The following SLC25A12 variants were observed in gnomAD, a reference collection of about 807,000 sequenced individuals.
SLC25A12 encodes electrogenic aspartate/glutamate antiporter SLC25A12, mitochondrial.
A neutral mutation model predicts 83.3 loss-of-function variants in SLC25A12; 32 were observed. The observed-to-expected ratio is 0.38, with a 90% CI of 0.29 to 0.52. The LOEUF (loss-of-function observed/expected upper bound fraction) is 0.52, where lower values mean the gene tolerates loss of function less well. Among genes scored for constraint, SLC25A12 ranks in the 20% least tolerant of loss-of-function variants. The pLI is 0.84. For synonymous variants in SLC25A12, 267 were observed against 291.1 expected (o/e 0.92, Z 0.84); for missense variants, 611 against 835.6 (o/e 0.73, Z 3.31).
rs1363941504 is a variant in SLC25A12 at position 171,882,502 on chromosome 2, A to G, written c.66+10703T>C. On this transcript the variant is annotated intron_variant, in intron 2 of 17. Transcript: ENST00000422440. ...CTCCACATGGCAAAGCCTGTTTGAG[A>G]ATGAAGCTAGCACAACAGAAACCAA... is the stretch of plus-strand genomic sequence containing the variant. Among the ~76,000 whole-genome samples, 3 of 152,208 alleles carry G rather than the reference A, an allele frequency of 2.0e-5. No individual in the cohort carries two copies. The East Asian group carries it at 5.8e-4, about 29-fold the overall frequency.
At chr2:171,833,839 C>A in intron 8 of SLC25A12, 124 bp downstream of exon 8, 2 of 599,454 alleles carry the variant, frequency 3.3e-6, no homozygotes, top group Non-Finnish European at 6.1e-6. Flanking sequence ...AATTTATATT[C>A]TGAATATAAA....
chr2:171,824,356 T>C (rs1419308847), intron 9 of SLC25A12, among the ~76,000 whole-genome samples: 2 of 152,200 alleles, frequency 1.3e-5, no homozygotes, highest in African/African-American at 4.8e-5. Flanking sequence ...GCTTCAGATA[T>C]GGCCTCTAGG....
chr2:171,810,130 T>C (rs571457507), intron 12 of SLC25A12, 94 bp downstream of exon 12: 20 of 1,039,780 alleles, frequency 1.9e-5, no homozygotes, highest in Non-Finnish European at 2.6e-5. Context: ...GCTGAGATTA[T>C]AGGCATGAGC....
At chr2:171,847,410 G>A (rs1684821630) in intron 4 of SLC25A12, among the ~76,000 whole-genome samples, 1 of 152,114 alleles carries the variant, frequency 6.6e-6, no homozygotes, top group Non-Finnish European at 1.5e-5. Flanking sequence ...GCTTGTATGA[G>A]GTAATAACTC....
intron 4 of SLC25A12, among the ~76,000 whole-genome samples, chr2:171,847,884 G>A (rs1255957175): frequency 6.6e-6 from 1 of 151,342 alleles, no homozygotes; most frequent in Non-Finnish European, 1.5e-5. Context: ...CAAAGGAGAG[G>A]AGCACAATGA....
chr2:171,882,061 A>G (rs1574005675), intron 2 of SLC25A12, among the ~76,000 whole-genome samples: 1 of 152,336 alleles, frequency 6.6e-6, no homozygotes, highest in South Asian at 2.1e-4. Context: ...GCTACCAAAT[A>G]CAGCAGTGTT....
At position 171,893,197 on chromosome 2, in the gene SLC25A12, C is replaced by T. The variant is rs757472464; in HGVS notation, c.66+8G>A. The stretch of plus-strand genomic sequence containing the variant: ...GCAATGAAAGGCACACTATGCAAGC[C>T]AATTTACCTGTAGAAATATGTTTCT... On this transcript the variant is annotated splice_region_variant and intron_variant, in intron 2 of 17. Transcript: ENST00000422440. 5.0e-6 allele frequency: 8 copies of T among 1,613,310 alleles called. No individual in the cohort carries two copies. The Admixed American group carries it at 6.7e-5, about 13-fold the overall frequency.
chr2:171,819,424 T>C (rs1407273482), intron 9 of SLC25A12, among the ~76,000 whole-genome samples: 1 of 110,318 alleles, frequency 9.1e-6, no homozygotes, highest in African/African-American at 3.3e-5. Flanking sequence ...AATTATGTTA[T>C]ATACATAATA....
chr2:171,856,139 G>T (rs1685040514), intron 3 of SLC25A12, among the ~76,000 whole-genome samples, 190 bp from the exon 4 acceptor site: 1 of 152,140 alleles, frequency 6.6e-6, no homozygotes, highest in South Asian at 2.1e-4. Context: ...TAAGCCCCTA[G>T]AAAATCAATG....
At chr2:171,844,564 A>C in intron 4 of SLC25A12, 56 bp from the exon 5 acceptor site, 1 of 1,217,996 alleles carries the variant, frequency 8.2e-7, no homozygotes, top group South Asian at 1.2e-5. Context: ...AGTTTAAACC[A>C]CTGCAATGTT....
rs781312657 is a variant in SLC25A12 at position 171,878,123 on chromosome 2, G to A, written c.67-9300C>T. ...CTGTGTACCAGGCACTATGCCTGGT[G>A]CCTGGTACTGGGGATGCAGAGATCA... On this transcript the variant is annotated intron_variant, in intron 2 of 17. Coordinates refer to ENST00000422440, the MANE Select transcript of SLC25A12 (RefSeq NM_003705.5). 4.6e-4 allele frequency among the ~76,000 whole-genome samples: 70 copies of A among 152,214 alleles called. 1 individual carries two copies. Among genetic ancestry groups the A allele is most frequent in the Middle Eastern group, 6.8e-3 (2 of 294 alleles).
intron 11 of SLC25A12, among the ~76,000 whole-genome samples, chr2:171,812,881 ATATT>A (rs904006012): frequency 3.3e-5 from 5 of 151,212 alleles, no homozygotes; most frequent in Admixed American, 2.0e-4. Context: ...AAAACATTTG[ATATT>A]TATTTCAGTT....
intron 9 of SLC25A12, 82 bp downstream of exon 9, chr2:171,826,716 G>T: frequency 1.2e-6 from 1 of 816,874 alleles, no homozygotes. Flanking sequence ...AATTTTTACA[G>T]CATTCAGAAG....
intron 2 of SLC25A12, among the ~76,000 whole-genome samples, chr2:171,872,348 A>G (rs1685473970): frequency 6.6e-6 from 1 of 152,266 alleles, no homozygotes; most frequent in Non-Finnish European, 1.5e-5. Flanking sequence ...CACTAATAGT[A>G]AGTAGATTCC....
chr2:171,822,121 G>A (rs1229448686), intron 9 of SLC25A12, among the ~76,000 whole-genome samples: 1 of 152,028 alleles, frequency 6.6e-6, no homozygotes, highest in African/African-American at 2.4e-5. Context: ...AAAATACAAA[G>A]ATATATTAAT....
intron 2 of SLC25A12, among the ~76,000 whole-genome samples, chr2:171,870,456 T>C (rs1685434675): frequency 6.6e-6 from 1 of 151,666 alleles, no homozygotes; most frequent in African/African-American, 2.4e-5. Flanking sequence ...ACCCCATCTC[T>C]ACAAAAATAC....
rs772577546 is a variant in SLC25A12 at position 171,785,282 on chromosome 2, T to G, written c.2029A>C (p.Thr677Pro). ...ACTCAACAGTTGTCTCATCACTGAGTGGCTGCCACTGCTGCCTTTGGCTGA... is the reference window on the plus strand; with the variant it reads ...ACTCAACAGTTGTCTCATCACTGAGGGGCTGCCACTGCTGCCTTTGGCTGA... The part of the protein sequence containing the change: ...VVQPKAAVAA[T>P]Q The change falls in exon 18 of 18, where the codon ACT (threonine) becomes CCT (proline). Residue 677 changes from threonine to proline, a missense_variant. This residue lies in a region of SLC25A12 where 37 missense variants were observed against 35.1 expected (regional missense o/e 1.05). Coordinates refer to ENST00000422440, the MANE Select transcript of SLC25A12 (RefSeq NM_003705.5). The G allele has an allele frequency of 6.2e-7, 1 of 1,614,112 alleles. No homozygotes were observed. Among genetic ancestry groups the G allele is most frequent in the Non-Finnish European group, 8.5e-7 (1 of 1,179,998 alleles).
At position 171,855,912 on chromosome 2, in the gene SLC25A12, C is replaced by G; in HGVS notation, c.247G>C (p.Val83Leu). Residue 83 changes from valine (V) to leucine (L), a missense_variant, in exon 4 of 18, where the codon GTT becomes CTT. Physicochemically the swap from Val to Leu is conservative, Grantham distance 32. Coordinates refer to ENST00000422440, the MANE Select transcript of SLC25A12 (RefSeq NM_003705.5). ...SYQEFLAFES[V>L]LCAPDSMFIV... The stretch of plus-strand genomic sequence containing the variant: ...AACATGGAATCTGGAGCACATAAAA[C>G]AGATTCAAATGCCAAAAACTCTTGA... 6.2e-7 allele frequency: 1 copy of G among 1,613,372 alleles called. No individual in the cohort carries two copies. Among genetic ancestry groups the G allele is most frequent in the East Asian group, 2.2e-5 (1 of 44,846 alleles).
At chr2:171,798,487 A>G (rs968792696) in intron 13 of SLC25A12, among the ~76,000 whole-genome samples, 23 of 152,226 alleles carry the variant, frequency 1.5e-4, no homozygotes, top group Admixed American at 1.3e-3. Context: ...AACTCATTAT[A>G]AAGTCTTCCC....
Sources: allele counts gnomAD v4.1 joint callset (sites outside exome capture counted in the v4.1 genomes callset), GRCh38; gene constraint gnomAD v4.1.1; regional missense constraint gnomAD v4.1.1; transcripts MANE v1.5; gene names NCBI Gene and HGNC (gene_info 2026-07-23, HGNC 2026-07-21).